The following CD81 variants were observed in gnomAD, a reference collection of about 807,000 sequenced individuals.
The protein encoded by CD81 is CD81 antigen.
A neutral mutation model predicts 30.1 loss-of-function variants in CD81; 10 were observed. The ratio of observed to expected loss-of-function variants is 0.33; its 90% CI spans 0.21 to 0.56. CD81 has a LOEUF of 0.56. Among genes scored for constraint, CD81 ranks in the 20% least tolerant of loss-of-function variants. The probability of loss-of-function intolerance (pLI) is 0.89; values close to 1 mark genes in which losing one functional copy is unlikely to be tolerated. For missense variants in CD81, 263 were observed against 308.7 expected, an observed-to-expected ratio of 0.85 and a Z score of 1.11; for synonymous variants, 147 against 126.4, an observed-to-expected ratio of 1.16 and a Z score of -1.10.
At chr11:2,381,302 G>T (rs1416562528) in intron 1 of CD81, among the ~76,000 whole-genome samples, 1 of 152,242 alleles carries the variant, frequency 6.6e-6, no homozygotes, top group Non-Finnish European at 1.5e-5. Context: ...TCGCCCCTGT[G>T]GCTGGCTGTG....
Position 2,397,261 on chromosome 11 carries a change from T to G in CD81, c.*395T>G. The stretch of plus-strand genomic sequence containing the variant: ...GGGCTGCACAGCTCACCTTGTTCCC[T>G]CCTGCCCCGGTTCGAGAGCCGAGTC... On this transcript the variant is annotated 3_prime_UTR_variant, in exon 8 of 8. Transcript: ENST00000263645. 3.3e-6 allele frequency: 1 copy of G among 305,640 alleles called. No homozygotes were observed. The allele number at this position is 305,640 out of a possible 1,614,324, so 18.9% of individuals were successfully genotyped here.
At position 2,397,245 on chromosome 11, in the gene CD81, A is replaced by G; in HGVS notation, c.*379A>G. The G allele has an allele frequency of 2.8e-6, 1 of 352,282 alleles. No homozygotes were observed. Among genetic ancestry groups the G allele is most frequent in the Non-Finnish European group, 5.4e-6 (1 of 185,858 alleles). The allele number at this position is 352,282 out of a possible 1,614,324, so 21.8% of individuals were successfully genotyped here. A position where few individuals can be genotyped will look rare whatever the true frequency, so the allele number is the denominator to read the frequency against. The stretch of plus-strand genomic sequence containing the variant: ...AGCCCGCCCGTCCTGTGGGCTGCAC[A>G]GCTCACCTTGTTCCCTCCTGCCCCG... On this transcript the variant is annotated 3_prime_UTR_variant, in exon 8 of 8. Transcript: ENST00000263645.
At chr11:2,395,999 AC>A (rs1304000954) in intron 6 of CD81, 29 bp downstream of exon 6, 5 of 1,464,900 alleles carry the variant, frequency 3.4e-6, no homozygotes, top group Non-Finnish European at 4.8e-6. Flanking sequence ...GCCGCGCCTG[AC>A]CCCCCGCATG....
chr11:2,389,120 A>G (rs1012138031), intron 1 of CD81, among the ~76,000 whole-genome samples: 35 of 152,214 alleles, frequency 2.3e-4, no homozygotes, highest in African/African-American at 8.2e-4. Context: ...CAGAGTCCCC[A>G]GGCTGCTAGA....
chr11:2,389,278 C>T (rs1287087850), intron 1 of CD81, among the ~76,000 whole-genome samples: 3 of 152,182 alleles, frequency 2.0e-5, no homozygotes, highest in Admixed American at 2.0e-4. Flanking sequence ...GGCAGCAGGA[C>T]TCAGGGTCAC....
chr11:2,396,689 C>G lies in CD81; in HGVS notation c.623C>G (p.Ala208Gly), dbSNP rs1426519785. Residue 208 changes from alanine to glycine, a missense_variant, in exon 7 of 8, where the codon GCT (alanine) becomes GGT (glycine). Physicochemically the swap from Ala to Gly is moderately conservative, Grantham distance 60. Transcript: ENST00000263645. ...FSGKLYLIGI[A>G]AIVVAVIMIF... Reference sequence around the variant, plus strand: ...GGGAAGCTGTACCTCATCGGCATTGCTGCCATCGTGGTCGCTGTGATCATG... The same window carrying G: ...GGGAAGCTGTACCTCATCGGCATTGGTGCCATCGTGGTCGCTGTGATCATG... 6.2e-7 allele frequency: 1 copy of G among 1,611,870 alleles called. No individual in the cohort carries two copies. The highest frequency in any genetic ancestry group is 8.5e-7 in the Non-Finnish European group (1 of 1,179,994).
At chr11:2,389,708 C>G (rs1400780763) in intron 1 of CD81, among the ~76,000 whole-genome samples, 1 of 150,856 alleles carries the variant, frequency 6.6e-6, no homozygotes, top group Non-Finnish European at 1.5e-5. Context: ...GAAACCACAG[C>G]AGCGTCCTTC....
intron 2 of CD81, chr11:2,392,035 C>G (rs1212358228): frequency 1.3e-5 from 2 of 152,540 alleles, no homozygotes; most frequent in African/African-American, 2.4e-5. Flanking sequence ...ACAGCATCCC[C>G]GGCCTGGAAC....
intron 6 of CD81, 107 bp from the exon 7 acceptor site, chr11:2,396,513 TGTTCCCAG>T (rs1850008298): frequency 2.2e-6 from 2 of 930,228 alleles, no homozygotes; most frequent in Non-Finnish European, 3.5e-6. Flanking sequence ...GGTGGGGGGC[TGTTCCCAG>T]GATTCCCCTC....
At chr11:2,380,449 T>C (rs1236259175) in intron 1 of CD81, among the ~76,000 whole-genome samples, 2 of 151,996 alleles carry the variant, frequency 1.3e-5, no homozygotes, top group East Asian at 3.9e-4. Flanking sequence ...ACTCCCACCT[T>C]CACACACACT....
Position 2,379,090 on chromosome 11 carries a change from C to G in CD81, c.66+1475C>G, listed in dbSNP as rs2521256. ...GGGAGGGGCTCGCCTTCCCCAGGCCCGGCCCTGGGACCTCAGCCGTTGCTT... is the reference window on the plus strand; with the variant it reads ...GGGAGGGGCTCGCCTTCCCCAGGCCGGGCCCTGGGACCTCAGCCGTTGCTT... On this transcript the variant is annotated intron_variant, in intron 1 of 7. Transcript: ENST00000263645. 5 of 448,692 alleles carry G rather than the reference C, an allele frequency of 1.1e-5. No homozygotes were observed. In the East Asian group the frequency reaches 2.8e-4, roughly 25 times the overall value. 27.8% of individuals were successfully genotyped at this position (448,692 alleles called of 1,614,324 possible). A position where few individuals can be genotyped will look rare whatever the true frequency, so the allele number is the denominator to read the frequency against.
chr11:2,397,103 G>A lies in CD81; in HGVS notation c.*237G>A, dbSNP rs1850027024. On this transcript the variant is annotated 3_prime_UTR_variant, in exon 8 of 8. Transcript: ENST00000263645. Reference sequence around the variant, plus strand: ...ACGGGCCTGGGTCTTGGGGACTGGAGGGCAGGGGTCCTTCTGCCCTGGGGT... The same window carrying A: ...ACGGGCCTGGGTCTTGGGGACTGGAAGGCAGGGGTCCTTCTGCCCTGGGGT... 3.5e-6 allele frequency: 2 copies of A among 568,922 alleles called. No individual in the cohort carries two copies. Among genetic ancestry groups the A allele is most frequent in the Admixed American group, 2.9e-5 (1 of 34,126 alleles). 35.2% of individuals were successfully genotyped at this position (568,922 alleles called of 1,614,324 possible).
intron 1 of CD81, among the ~76,000 whole-genome samples, chr11:2,380,650 C>T (rs1220231437): frequency 7.2e-5 from 11 of 152,150 alleles, no homozygotes; most frequent in African/African-American, 1.7e-4. Flanking sequence ...GGGTGGGTCT[C>T]GGAGCCTCCA....
chr11:2,395,976 C>T lies in CD81; in HGVS notation c.561+6C>T, dbSNP rs377337982. ...TCATCAGCAACCTCTTCAAGGTGCG[C>T]GAGGCCGGTGGGGCCGCGCCTGACC... On this transcript the variant is annotated splice_donor_region_variant and intron_variant, in intron 6 of 7. Transcript: ENST00000263645. 51 of 1,596,576 alleles carry T rather than the reference C, an allele frequency of 3.2e-5. No homozygotes were observed. The highest frequency in any genetic ancestry group is 2.3e-4 in the Admixed American group (14 of 59,984).
intron 2 of CD81, chr11:2,392,358 G>C (rs1337088294): frequency 6.6e-6 from 1 of 152,428 alleles, no homozygotes. Context: ...CAGAAGCAGA[G>C]GTCACAGGCT....
chr11:2,396,961 T>C lies in CD81; in HGVS notation c.*95T>C. On this transcript the variant is annotated 3_prime_UTR_variant, in exon 8 of 8. Transcript: ENST00000263645. ...CATCACCGCCTGTGTATATAACGTT[T>C]CCGGTATTACTCTGCTACACGTAGC... 8.6e-7 allele frequency: 1 copy of C among 1,163,178 alleles called. No homozygotes were observed. The highest frequency in any genetic ancestry group is 1.2e-5 in the South Asian group (1 of 80,138). 72.1% of individuals were successfully genotyped at this position (1,163,178 alleles called of 1,614,324 possible). A position where few individuals can be genotyped will look rare whatever the true frequency, so the allele number is the denominator to read the frequency against.
Position 2,377,498 on chromosome 11 carries a change from CGCCGCCCAGGACCGGCCCGCGCCCCGCAG to C in CD81, c.-44_-16del, listed in dbSNP as rs1349396535. 2 of 874,940 alleles carry C rather than the reference CGCCGCCCAGGACCGGCCCGCGCCCCGCAG, an allele frequency of 2.3e-6. No homozygotes were observed. The highest frequency in any genetic ancestry group is 2.3e-4 in the East Asian group (2 of 8,516). The allele number at this position is 874,940 out of a possible 1,614,324, so 54.2% of individuals were successfully genotyped here. On this transcript the variant is annotated 5_prime_UTR_variant, in exon 1 of 8. Transcript: ENST00000263645. This position sits in a 1 kb window ranked among gnomAD's most constrained non-coding sequence, Gnocchi z 7.7. Reference sequence around the variant, plus strand: ...CCGCCAGGCCCCGCGCCGGCCCGCCCGCCGCCCAGGACCGGCCCGCGCCCCGCAGGCCGCCCGCCGCCCGCGCCGCCATG... The same window carrying C: ...CCGCCAGGCCCCGCGCCGGCCCGCCCGCCGCCCGCCGCCCGCGCCGCCATG...
intron 1 of CD81, chr11:2,384,617 G>T (rs573409753): frequency 5.7e-6 from 1 of 174,750 alleles, no homozygotes; most frequent in African/African-American, 2.4e-5. Context: ...GGGCATCTCA[G>T]AGGGCGCCTC....
rs370819047 is a variant in CD81 at position 2,390,471 on chromosome 11, C to G, written c.126C>G (p.Thr42=). 631 of 1,612,896 alleles carry G rather than the reference C, an allele frequency of 3.9e-4. 1 individual carries two copies. Among genetic ancestry groups the G allele is most frequent in the Non-Finnish European group, 5.2e-4 (615 of 1,180,016 alleles). The stretch of plus-strand genomic sequence containing the variant: ...GGCTCCGCCATGACCCGCAGACCAC[C>G]AACCTCCTGTATCTGGAGCTGGGAG... ...ALWLRHDPQT[T]NLLYLELGDK... The change falls in exon 2 of 8, where the codon ACC becomes ACG. Residue 42 remains threonine, a synonymous_variant. Transcript: ENST00000263645.
Sources: gnomAD v4.1 joint callset for allele counts (sites outside exome capture counted in the v4.1 genomes callset) on GRCh38, gnomAD v4.1.1 for gene constraint, Gnocchi (gnomAD v3.1) non-coding constraint, MANE v1.5 for transcripts, NCBI Gene and HGNC (gene_info 2026-07-23, HGNC 2026-07-21) for gene names.